GIGYF1: variants seen among roughly 807,000 people sequenced by gnomAD.
GIGYF1 encodes the protein GRB10 interacting GYF protein 1.
A neutral mutation model predicts 147.1 loss-of-function variants in GIGYF1; 84 were observed. The ratio of observed to expected loss-of-function variants is 0.57; its 90% CI spans 0.48 to 0.68. The LOEUF (loss-of-function observed/expected upper bound fraction) is 0.68. GIGYF1 is among the 30% of genes least tolerant of loss of function. The pLI, the probability that GIGYF1 is intolerant of heterozygous loss-of-function variation, is 0.00. For synonymous variants in GIGYF1, 752 were observed against 589.5 expected (o/e 1.28, Z -3.99); for missense variants, 1,485 against 1,393.7 (o/e 1.07, Z -1.04).
intron 5 of GIGYF1, 35 bp from the exon 6 acceptor site, chr7:100,687,918 G>A: frequency 1.9e-6 from 3 of 1,613,044 alleles, no homozygotes; most frequent in Non-Finnish European, 1.7e-6. Context: ...GACACCACAT[G>A]CTGCCAGATC....
At position 100,682,061 on chromosome 7, in the gene GIGYF1, G is replaced by C; in HGVS notation, c.2925+11C>G. The C allele has an allele frequency of 3.1e-6, 5 of 1,612,112 alleles. No individual in the cohort carries two copies. The highest frequency in any genetic ancestry group is 4.2e-6 in the Non-Finnish European group (5 of 1,179,584). On this transcript the variant is annotated intron_variant, in intron 25 of 26. Transcript: ENST00000678049. ...CAAGCCCACCCCAGCTGCTGGTGCC[G>C]GCTGCCTCACCTGCTGCTGCTGCCG...
At position 100,684,091 on chromosome 7, in the gene GIGYF1, CGGTGGTGGCGGT is replaced by C; in HGVS notation, c.1785_1796del (p.Pro599_Pro602del). On this transcript the variant is annotated inframe_deletion, in exon 18 of 27. Transcript: ENST00000678049. ...GCTGCTGCTGCTGCTGTGGCGGCGG[CGGTGGTGGCGGT>C]GTCAGGTCCCCCAGAGCTGCCTTTT... is the stretch of plus-strand genomic sequence containing the variant. The C allele has an allele frequency of 1.2e-6, 2 of 1,606,300 alleles. No individual in the cohort carries two copies. The highest frequency in any genetic ancestry group is 2.2e-5 in the South Asian group (2 of 90,952).
rs781720792 is a variant in GIGYF1, at chr7:100,682,241, G to A, written c.2762-6C>T. ...GATCGCTACAGCCATGGGCACTGCA[G>A]GATGAGCGAAGGCTGTCAGGGCCCC... On this transcript the variant is annotated splice_polypyrimidine_tract_variant and splice_region_variant and intron_variant, in intron 24 of 26. Transcript: ENST00000678049. 6.2e-6 allele frequency: 10 copies of A among 1,610,354 alleles called. No individual in the cohort carries two copies. The highest frequency in any genetic ancestry group is 1.7e-5 in the Admixed American group (1 of 59,992).
At position 100,681,577 on chromosome 7, in the gene GIGYF1, A is replaced by G. The variant is rs1201705977; in HGVS notation, c.*142T>C. 5 of 593,978 alleles carry G rather than the reference A, an allele frequency of 8.4e-6. No individual in the cohort carries two copies. The African/African-American group carries it at 9.4e-5, about 11-fold the overall frequency. The allele number at this position is 593,978 out of a possible 1,614,324, so 36.8% of individuals were successfully genotyped here. ...CCTCGTGGTGGGTGAGTTAAGGTGC[A>G]TCGTGTGTTTGTAACAAGTGCTGGG... On this transcript the variant is annotated 3_prime_UTR_variant, in exon 27 of 27. Coordinates refer to ENST00000678049, the MANE Select transcript of GIGYF1 (RefSeq NM_001375765.1).
intron 9 of GIGYF1, 51 bp from the exon 10 acceptor site, chr7:100,686,870 GGACCCTCAAGAAAC>G: frequency 6.5e-7 from 1 of 1,544,470 alleles, no homozygotes. Flanking sequence ...CGTGGTGCCT[GGACCCTCAAGAAAC>G]GTTGGGGGGG....
At chr7:100,687,127 T>C (rs1426444030) in intron 8 of GIGYF1, 81 bp from the exon 9 acceptor site, 3 of 1,581,740 alleles carry the variant, frequency 1.9e-6, no homozygotes, top group Non-Finnish European at 2.6e-6. Flanking sequence ...CCTTGTCCAC[T>C]GTGCCCTGAG....
Position 100,687,533 on chromosome 7 carries a change from G to C in GIGYF1, c.345C>G (p.Ser115=), listed in dbSNP as rs749632847. The C allele has an allele frequency of 3.7e-6, 6 of 1,612,316 alleles. No individual in the cohort carries two copies. Among genetic ancestry groups the C allele is most frequent in the Non-Finnish European group, 5.1e-6 (6 of 1,179,718 alleles). Residue 115 remains serine (S), a synonymous_variant, in exon 7 of 27, where the codon TCC becomes TCG. Transcript: ENST00000678049. ...KGAGPPLAGT[S]RGRGSTRSRG... is the part of the protein sequence containing the mutation. ...GGCTCCGCGTGCTGCCCCTGCCTCG[G>C]GAGGTGCCAGCCAGGGGGGGGCCAG...
Position 100,683,271 on chromosome 7 carries a change from C to T in GIGYF1, c.2193+33G>A, listed in dbSNP as rs747779027. The T allele has an allele frequency of 1.7e-4, 271 of 1,613,372 alleles. 1 individual carries two copies. The Admixed American group carries it at 4.3e-3, about 26-fold the overall frequency. ...GGTGAGGGGACCTGGCGAGGGTTGT[C>T]CACCCAGCCAGCTGAGGCTTGGGAG... is the stretch of plus-strand genomic sequence containing the variant. On this transcript the variant is annotated intron_variant, in intron 21 of 26. Coordinates refer to ENST00000678049, the MANE Select transcript of GIGYF1 (RefSeq NM_001375765.1).
intron 19 of GIGYF1, 59 bp from the exon 20 acceptor site, chr7:100,683,691 G>C (rs1201853810): frequency 9.5e-6 from 15 of 1,570,948 alleles, no homozygotes; most frequent in Non-Finnish European, 1.3e-5. Flanking sequence ...CACTGATCTA[G>C]TCCAGCCGCA....
intron 26 of GIGYF1, 23 bp downstream of exon 26, chr7:100,681,814 CCTCCTGCCCTGTGCCAAGGAAGTCCCG>C: frequency 6.2e-7 from 1 of 1,603,916 alleles, no homozygotes; most frequent in Non-Finnish European, 8.5e-7. Context: ...CTCCTGGGCT[CCTCCTGCCCTGTGCCAAGGAAGTCCCG>C]CTCCTGCCCC....
rs536907565 is a variant in GIGYF1, at chr7:100,683,473, A to G, written c.2053-29T>C. 3.1e-6 allele frequency: 5 copies of G among 1,614,124 alleles called. No individual in the cohort carries two copies. In the African/African-American group the frequency reaches 6.7e-5, roughly 22 times the overall value. On this transcript the variant is annotated intron_variant, in intron 20 of 26. Coordinates refer to ENST00000678049, the MANE Select transcript of GIGYF1 (RefSeq NM_001375765.1). ...AGACCAGTGGCCCATCAGAGGGGAG[A>G]GCTGCAGGGGACAGCCTGGGGCCTG...
chr7:100,693,549 G>A (rs1279668876), intron 1 of GIGYF1, among the ~76,000 whole-genome samples: 10 of 152,218 alleles, frequency 6.6e-5, no homozygotes, highest in Non-Finnish European at 8.8e-5. Flanking sequence ...AGGCTTCCAT[G>A]TTGGCCAAAG....
chr7:100,682,312 G>C lies in GIGYF1; in HGVS notation c.2761+10C>G, dbSNP rs777780748. The C allele has an allele frequency of 6.2e-7, 1 of 1,610,224 alleles. No homozygotes were observed. Among genetic ancestry groups the C allele is most frequent in the East Asian group, 2.2e-5 (1 of 44,862 alleles). The stretch of plus-strand genomic sequence containing the variant: ...AGGTCCCGCCCACCTCCTGGGAGCC[G>C]CTCGCCCACCGTCCAGGCTGCCCGT... On this transcript the variant is annotated intron_variant, in intron 24 of 26. Coordinates refer to ENST00000678049, the MANE Select transcript of GIGYF1 (RefSeq NM_001375765.1).
chr7:100,684,281 C>A lies in GIGYF1; in HGVS notation c.1686G>T (p.Leu562Phe), dbSNP rs760624977. The A allele has an allele frequency of 9.3e-6, 15 of 1,607,466 alleles. No homozygotes were observed. The highest frequency in any genetic ancestry group is 1.2e-5 in the Non-Finnish European group (14 of 1,177,906). The stretch of plus-strand genomic sequence containing the variant: ...ACTGCTGGTGCTGCAGCTGCTGGTA[C>A]AAGGCCGCCGCGGCCAGCTCCTGTT... Reference protein sequence around the residue: ...KKQQELAAAALYQQLQHQQFL... With the variant: ...KKQQELAAAAFYQQLQHQQFL... Residue 562 changes from leucine (L) to phenylalanine (F), a missense_variant, in exon 17 of 27, where the codon TTG (leucine) becomes TTT (phenylalanine). Physicochemically the swap from Leu to Phe is conservative, Grantham distance 22. Transcript: ENST00000678049.
intron 1 of GIGYF1, among the ~76,000 whole-genome samples, chr7:100,690,446 C>G (rs941965910): frequency 7.2e-5 from 11 of 152,150 alleles, no homozygotes; most frequent in African/African-American, 2.7e-4. Context: ...AGTAACAGAA[C>G]AAGACCACGA....
chr7:100,683,371 C>T lies in GIGYF1; in HGVS notation c.2126G>A (p.Arg709His), dbSNP rs202101717. ...CTGCTCCTCCTGCTGCTGCTGGCGG[C>T]GCTTCTCCTCTCGACGCTTGCGTTC... ...EEERKRREEKRRQQQQEEQKR... is the reference protein window; with the variant it reads ...EEERKRREEKHRQQQQEEQKR... The change falls in exon 21 of 27, where the codon CGC (arginine) becomes CAC (histidine). Residue 709 changes from arginine (R) to histidine (H), a missense_variant. Coordinates refer to ENST00000678049, the MANE Select transcript of GIGYF1 (RefSeq NM_001375765.1). 1.5e-4 allele frequency: 243 copies of T among 1,613,450 alleles called. 2 individuals carry two copies. The highest frequency in any genetic ancestry group is 2.9e-5 in the Non-Finnish European group (34 of 1,180,020).
Position 100,685,052 on chromosome 7 carries a change from C to G in GIGYF1, c.1287G>C (p.Gln429His). The G allele has an allele frequency of 6.4e-7, 1 of 1,566,870 alleles. No homozygotes were observed. ...LEDDEGLKHLQQEAEKLVASL... is the reference protein window; with the variant it reads ...LEDDEGLKHLHQEAEKLVASL... Reference sequence around the variant, plus strand: ...CCGCTTTCTCAGGCCCCCACACCTGCTGCAGGTGCTTCAAGCCTTCATCAT... The same window carrying G: ...CCGCTTTCTCAGGCCCCCACACCTGGTGCAGGTGCTTCAAGCCTTCATCAT... Residue 429 changes from glutamine to histidine, a missense_variant, in exon 14 of 27, where the codon CAG (glutamine) becomes CAC (histidine). By Grantham distance (24) the Gln-to-His change is conservative. Transcript: ENST00000678049.
Position 100,685,041 on chromosome 7 carries a change from C to A in GIGYF1, c.1290+8G>T, listed in dbSNP as rs377484473. 20 of 1,562,878 alleles carry A rather than the reference C, an allele frequency of 1.3e-5. No homozygotes were observed. Among genetic ancestry groups the A allele is most frequent in the Non-Finnish European group, 1.7e-5 (20 of 1,152,218 alleles). ...AAGGGTCCCTCCCGCTTTCTCAGGC[C>A]CCCACACCTGCTGCAGGTGCTTCAA... On this transcript the variant is annotated splice_region_variant and intron_variant, in intron 14 of 26. Coordinates refer to ENST00000678049, the MANE Select transcript of GIGYF1 (RefSeq NM_001375765.1).
At chr7:100,682,294 G>A (rs534997284) in intron 24 of GIGYF1, 28 bp downstream of exon 24, 17 of 1,608,644 alleles carry the variant, frequency 1.1e-5, no homozygotes, top group South Asian at 8.8e-5. Context: ...CCCAGGTCCC[G>A]CCCACCTCCT....
Sources: gnomAD v4.1 joint callset for allele counts (sites outside exome capture counted in the v4.1 genomes callset) on GRCh38, gnomAD v4.1.1 for gene constraint, MANE v1.5 for transcripts, NCBI Gene and HGNC (gene_info 2026-07-23, HGNC 2026-07-21) for gene names.